LHFPL3: variants seen among roughly 807,000 people sequenced by gnomAD.
LHFPL3 encodes the protein LHFPL tetraspan subfamily member 3 protein.
Under a neutral mutation model 19.3 loss-of-function variants are expected in LHFPL3, and 5 were observed. The ratio of observed to expected loss-of-function variants is 0.26; its 90% CI spans 0.14 to 0.54. LHFPL3 has a LOEUF of 0.54. Ranked by LOEUF, LHFPL3 falls within the 20% of genes least tolerant of loss-of-function variation. The pLI is 0.94. For synonymous variants in LHFPL3, 133 were observed against 126.2 expected, an observed-to-expected ratio of 1.05 and a Z score of -0.36; for missense variants, 249 against 307.4, an observed-to-expected ratio of 0.81 and a Z score of 1.42.
intron 1 of LHFPL3, among the ~76,000 whole-genome samples, chr7:104,543,717 G>A (rs1458598363): frequency 7.4e-6 from 1 of 135,572 alleles, no homozygotes; most frequent in African/African-American, 2.8e-5. Context: ...TTGAACAATG[G>A]GAGCACATGG....
intron 1 of LHFPL3, among the ~76,000 whole-genome samples, chr7:104,582,066 T>A (rs1790471997): frequency 6.6e-6 from 1 of 152,020 alleles, no homozygotes; most frequent in East Asian, 1.9e-4. Context: ...ATAACTATAC[T>A]AAATCTTCCA....
At chr7:104,796,206 G>C (rs1790122583) in intron 2 of LHFPL3, among the ~76,000 whole-genome samples, 1 of 152,218 alleles carries the variant, frequency 6.6e-6, no homozygotes, top group Non-Finnish European at 1.5e-5. Flanking sequence ...CATGTGCACT[G>C]ACACAGTGGA....
intron 1 of LHFPL3, among the ~76,000 whole-genome samples, chr7:104,556,099 A>G (rs1237120651): frequency 1.3e-5 from 2 of 152,076 alleles, no homozygotes; most frequent in Non-Finnish European, 2.9e-5. Flanking sequence ...AGCTGCTTTC[A>G]TGGGCTGGTG....
chr7:104,838,853 C>G (rs982420703), intron 2 of LHFPL3, among the ~76,000 whole-genome samples: 2 of 152,188 alleles, frequency 1.3e-5, no homozygotes, highest in African/African-American at 4.8e-5. Flanking sequence ...ATTGCTTCAT[C>G]TTTTTAACCA....
chr7:104,464,615 A>G (rs1356778959), intron 1 of LHFPL3, among the ~76,000 whole-genome samples: 3 of 152,230 alleles, frequency 2.0e-5, no homozygotes, highest in Admixed American at 1.3e-4. Flanking sequence ...GACTAATAGC[A>G]TATGGAAGCT....
chr7:104,904,377 A>C (rs1444875181), intron 2 of LHFPL3, among the ~76,000 whole-genome samples: 2 of 152,244 alleles, frequency 1.3e-5, no homozygotes, highest in African/African-American at 2.4e-5. Context: ...TCGGCTGGGC[A>C]CAGTGGCTCA....
intron 2 of LHFPL3, among the ~76,000 whole-genome samples, chr7:104,864,289 C>A (rs138625604): frequency 6.4e-4 from 98 of 152,150 alleles, no homozygotes; most frequent in African/African-American, 2.3e-3. Flanking sequence ...TGCAGTGCAC[C>A]GAGCATGAGC....
At chr7:104,601,538 G>A (rs921857640) in intron 1 of LHFPL3, among the ~76,000 whole-genome samples, 1 of 152,148 alleles carries the variant, frequency 6.6e-6, no homozygotes, top group Non-Finnish European at 1.5e-5. Flanking sequence ...TAGGGGAGAG[G>A]GGTTGCTAGA....
intron 1 of LHFPL3, among the ~76,000 whole-genome samples, chr7:104,670,618 G>C (rs1183472657): frequency 6.6e-6 from 1 of 152,078 alleles, no homozygotes; most frequent in Non-Finnish European, 1.5e-5. Context: ...CAAGCAAATC[G>C]GTTTCTTGAT....
At chr7:104,704,998 C>T (rs1223111624) in intron 1 of LHFPL3, among the ~76,000 whole-genome samples, 1 of 152,152 alleles carries the variant, frequency 6.6e-6, no homozygotes, top group African/African-American at 2.4e-5. Flanking sequence ...TACTTCTTCT[C>T]CTTTCCAGTA....
intron 1 of LHFPL3, among the ~76,000 whole-genome samples, chr7:104,427,119 G>C (rs927866780): frequency 2.6e-5 from 4 of 152,174 alleles, no homozygotes; most frequent in African/African-American, 9.7e-5. Flanking sequence ...TAGTACAGGA[G>C]ATCGTCAAAT....
intron 2 of LHFPL3, among the ~76,000 whole-genome samples, chr7:104,881,661 T>C (rs1792060229): frequency 6.6e-6 from 1 of 152,216 alleles, no homozygotes. Flanking sequence ...GTATTTCAAA[T>C]TTTACATAAA....
intron 1 of LHFPL3, among the ~76,000 whole-genome samples, chr7:104,518,026 A>C (rs1353897640): frequency 6.6e-6 from 1 of 152,184 alleles, no homozygotes; most frequent in Admixed American, 6.5e-5. Context: ...AATTCAAAAA[A>C]AACCAAAAGT....
Position 104,809,181 on chromosome 7 carries a change from C to T in LHFPL3, c.682+72270C>T, listed in dbSNP as rs572729580. Among the ~76,000 whole-genome samples, 258 of 152,210 alleles carry T rather than the reference C, an allele frequency of 1.7e-3. 2 individuals are homozygous for T. The highest frequency in any genetic ancestry group is 4.8e-3 in the African/African-American group (201 of 41,544). ...AGTGCTAGGATTACAGGCGTGAGCC[C>T]GCGTGCCCAGCCGGATCTTGGACCC... On this transcript the variant is annotated intron_variant, in intron 2 of 2. Coordinates refer to ENST00000424859, the MANE Select transcript of LHFPL3 (RefSeq NM_199000.3).
intron 1 of LHFPL3, among the ~76,000 whole-genome samples, chr7:104,364,878 G>A (rs368378159): frequency 2.0e-5 from 3 of 152,206 alleles, no homozygotes; most frequent in East Asian, 3.8e-4. Context: ...AGAGATAGCA[G>A]GATGTTAAAA....
chr7:104,770,656 T>C (rs1156443446), intron 2 of LHFPL3, among the ~76,000 whole-genome samples: 1 of 152,132 alleles, frequency 6.6e-6, no homozygotes, highest in African/African-American at 2.4e-5. Context: ...CCCACACCCA[T>C]TGTGGACATC....
chr7:104,448,055 A>C (rs902233561), intron 1 of LHFPL3, among the ~76,000 whole-genome samples: 16 of 152,134 alleles, frequency 1.1e-4, no homozygotes, highest in Non-Finnish European at 2.1e-4. Flanking sequence ...TAGACTTTCC[A>C]AAAGTTTAAT....
intron 1 of LHFPL3, among the ~76,000 whole-genome samples, chr7:104,567,454 T>C (rs535054886): frequency 4.6e-5 from 7 of 152,324 alleles, no homozygotes; most frequent in Admixed American, 2.0e-4. Context: ...TCTTTGAATG[T>C]ACTGGCATCC....
At chr7:104,846,740 T>C (rs562818182) in intron 2 of LHFPL3, among the ~76,000 whole-genome samples, 1 of 152,160 alleles carries the variant, frequency 6.6e-6, no homozygotes, top group African/African-American at 2.4e-5. Flanking sequence ...GGAGGCTACA[T>C]CCCGAAAAGG....
Sources: allele counts gnomAD v4.1 joint callset (sites outside exome capture counted in the v4.1 genomes callset), GRCh38; gene constraint gnomAD v4.1.1; transcripts MANE v1.5; gene names NCBI Gene and HGNC (gene_info 2026-07-23, HGNC 2026-07-21).